ERH: variants seen among roughly 807,000 people sequenced by gnomAD.
ERH encodes enhancer of rudimentary homolog.
In ERH, 1 loss-of-function variant was observed where a neutral mutation model predicts 16.8. That is an observed-to-expected ratio of 0.06 (90% CI 0.02 to 0.28). ERH has a LOEUF of 0.28. ERH is among the 10% of genes least tolerant of loss of function. The probability of loss-of-function intolerance (pLI) is 1.00; values close to 1 mark genes in which losing one functional copy is unlikely to be tolerated. For missense variants in ERH, 42 were observed against 127.5 expected, an observed-to-expected ratio of 0.33 and a Z score of 3.23; for synonymous variants, 43 against 43.6, an observed-to-expected ratio of 0.99 and a Z score of 0.05.
chr14:69,380,372 G>T lies in ERH; in HGVS notation c.*166C>A, dbSNP rs2045854229. The T allele has an allele frequency of 4.6e-6, 2 of 437,990 alleles. No individual in the cohort carries two copies. The highest frequency in any genetic ancestry group is 3.8e-5 in the Admixed American group (1 of 26,348). The allele number at this position is 437,990 out of a possible 1,614,324, so 27.1% of individuals were successfully genotyped here. On this transcript the variant is annotated 3_prime_UTR_variant, in exon 4 of 4. Transcript: ENST00000557016. Reference sequence around the variant, plus strand: ...AGAAAGAAAAAGAGGAGGTAACGGGGGTTTCCGATTGAACAAGATCCTCAC... The same window carrying T: ...AGAAAGAAAAAGAGGAGGTAACGGGTGTTTCCGATTGAACAAGATCCTCAC...
chr14:69,390,507 T>A (rs759953567), intron 2 of ERH, among the ~76,000 whole-genome samples: 17 of 152,102 alleles, frequency 1.1e-4, no homozygotes, highest in Non-Finnish European at 2.5e-4. Flanking sequence ...TAGTCACATG[T>A]GAAAGAATGA....
At chr14:69,388,801 G>A (rs759880542) in intron 2 of ERH, among the ~76,000 whole-genome samples, 1 of 152,102 alleles carries the variant, frequency 6.6e-6, no homozygotes. Context: ...GTCCTATACT[G>A]TATACATAAG....
intron 2 of ERH, among the ~76,000 whole-genome samples, chr14:69,390,350 C>G (rs2045917186): frequency 6.6e-6 from 1 of 152,186 alleles, no homozygotes; most frequent in Non-Finnish European, 1.5e-5. Context: ...ATGGTATTGG[C>G]ATCAGGATAG....
chr14:69,388,623 A>G (rs1296358206), intron 2 of ERH, among the ~76,000 whole-genome samples: 1 of 152,132 alleles, frequency 6.6e-6, no homozygotes, highest in Admixed American at 6.5e-5. Flanking sequence ...CAGCCTCCCA[A>G]AGGGCTGGGA....
chr14:69,388,240 A>C (rs1338652754), intron 2 of ERH, among the ~76,000 whole-genome samples: 1 of 152,226 alleles, frequency 6.6e-6, no homozygotes, highest in African/African-American at 2.4e-5. Context: ...ATGAACAAGG[A>C]TATAAGTACT....
chr14:69,380,840 G>C (rs2140226848), intron 3 of ERH, among the ~76,000 whole-genome samples, 200 bp from the exon 4 acceptor site: 1 of 152,284 alleles, frequency 6.6e-6, no homozygotes, highest in Non-Finnish European at 1.5e-5. Flanking sequence ...CAATCTTATA[G>C]TGGAAAAAGA....
rs755793495 is a variant in ERH at position 69,394,952 on chromosome 14, G to A, written c.4-40C>T. The A allele has an allele frequency of 2.9e-6, 4 of 1,386,382 alleles. No homozygotes were observed. In the South Asian group the frequency reaches 3.7e-5, roughly 13 times the overall value. The allele number at this position is 1,386,382 out of a possible 1,614,324, so 85.9% of individuals were successfully genotyped here. A position where few individuals can be genotyped will look rare whatever the true frequency, so the allele number is the denominator to read the frequency against. On this transcript the variant is annotated intron_variant, in intron 1 of 3. Transcript: ENST00000557016. ...ATGATTTCAATATAAGTTTCTATTT[G>A]AGAAATTCATAGTATGATAAAAAAA...
intron 2 of ERH, among the ~76,000 whole-genome samples, chr14:69,387,963 A>G (rs572121240): frequency 1.2e-4 from 18 of 152,270 alleles, no homozygotes; most frequent in Non-Finnish European, 2.5e-4. Flanking sequence ...GGAGAATGGC[A>G]TGAACCTGGG....
rs545179754 is a variant in ERH, at chr14:69,390,076, A to G, written c.92-2993T>C. 2.0e-5 allele frequency among the ~76,000 whole-genome samples: 3 copies of G among 152,178 alleles called. No homozygotes were observed. The East Asian group carries it at 5.8e-4, about 29-fold the overall frequency. On this transcript the variant is annotated intron_variant, in intron 2 of 3. Coordinates refer to ENST00000557016, the MANE Select transcript of ERH (RefSeq NM_004450.3). ...GCCATGCAGAAAGTAAAGCCACCAC[A>G]CCATGCTTAATAAATGGAAAGACAT...
chr14:69,380,520 C>A lies in ERH; in HGVS notation c.*18G>T, dbSNP rs778517194. On this transcript the variant is annotated 3_prime_UTR_variant, in exon 4 of 4. Coordinates refer to ENST00000557016, the MANE Select transcript of ERH (RefSeq NM_004450.3). ...GTGTTCCAAGCCCACCCCAACCCCC[C>A]CAGTGCTTCCAACACAATTATTTCC... 17 of 1,366,554 alleles carry A rather than the reference C, an allele frequency of 1.2e-5. No homozygotes were observed. The highest frequency in any genetic ancestry group is 1.7e-5 in the Non-Finnish European group (16 of 955,022). The allele number at this position is 1,366,554 out of a possible 1,614,324, so 84.7% of individuals were successfully genotyped here. A position where few individuals can be genotyped will look rare whatever the true frequency, so the allele number is the denominator to read the frequency against.
At chr14:69,397,969 G>A (rs901861150) in intron 1 of ERH, 15 of 595,204 alleles carry the variant, frequency 2.5e-5, no homozygotes, top group African/African-American at 1.7e-4. Flanking sequence ...TAACAATCGG[G>A]AGAGAGTTCA....
intron 3 of ERH, among the ~76,000 whole-genome samples, chr14:69,383,559 TTAAATCC>T (rs751881672): frequency 2.6e-5 from 4 of 152,228 alleles, no homozygotes; most frequent in African/African-American, 4.8e-5. Flanking sequence ...GAAAATAGTT[TTAAATCC>T]TAAATTTGAT....
At chr14:69,394,562 A>G (rs1297172842) in intron 2 of ERH, among the ~76,000 whole-genome samples, 2 of 152,220 alleles carry the variant, frequency 1.3e-5, no homozygotes, top group Non-Finnish European at 2.9e-5. Flanking sequence ...GCATTACTGC[A>G]CTCCAGTCTG....
chr14:69,382,621 C>G (rs529210099), intron 3 of ERH, among the ~76,000 whole-genome samples: 5 of 151,286 alleles, frequency 3.3e-5, no homozygotes, highest in Non-Finnish European at 7.4e-5. Context: ...GCCACAATGT[C>G]AAGAGATCAA....
Position 69,387,099 on chromosome 14 carries a change from A to T in ERH, c.92-16T>A, listed in dbSNP as rs750710139. The T allele has an allele frequency of 1.9e-6, 3 of 1,609,384 alleles. No homozygotes were observed. The highest frequency in any genetic ancestry group is 2.5e-6 in the Non-Finnish European group (3 of 1,177,230). Reference sequence around the variant, plus strand: ...TTACAAACACCTAAGAAAGGATAGGAAAAAAAGCAAAATCTTACAATCGCA... The same window carrying T: ...TTACAAACACCTAAGAAAGGATAGGTAAAAAAGCAAAATCTTACAATCGCA... On this transcript the variant is annotated splice_polypyrimidine_tract_variant and intron_variant, in intron 2 of 3. Coordinates refer to ENST00000557016, the MANE Select transcript of ERH (RefSeq NM_004450.3).
At chr14:69,384,099 C>T (rs1295727556) in intron 3 of ERH, among the ~76,000 whole-genome samples, 1 of 152,136 alleles carries the variant, frequency 6.6e-6, no homozygotes, top group African/African-American at 2.4e-5. Context: ...GCTCAATTTT[C>T]ATATTGTTGA....
At chr14:69,390,364 T>A (rs1004157253) in intron 2 of ERH, among the ~76,000 whole-genome samples, 1 of 152,214 alleles carries the variant, frequency 6.6e-6, no homozygotes, top group Non-Finnish European at 1.5e-5. Context: ...AGGATAGGTA[T>A]CTACATCAAT....
chr14:69,385,413 T>C (rs2045885608), intron 3 of ERH, among the ~76,000 whole-genome samples: 2 of 152,140 alleles, frequency 1.3e-5, no homozygotes, highest in African/African-American at 4.8e-5. Context: ...CTTTCTGAGA[T>C]AACTGAAGCA....
At chr14:69,392,390 C>A (rs548009410) in intron 2 of ERH, among the ~76,000 whole-genome samples, 19 of 152,178 alleles carry the variant, frequency 1.2e-4, no homozygotes, top group African/African-American at 4.1e-4. Context: ...ATAATAAATG[C>A]ACATTGCTAA....
Sources: gnomAD v4.1 joint callset for allele counts (sites outside exome capture counted in the v4.1 genomes callset) on GRCh38, gnomAD v4.1.1 for gene constraint, MANE v1.5 for transcripts, NCBI Gene and HGNC (gene_info 2026-07-23, HGNC 2026-07-21) for gene names.